Variants in CMIP observed in about 807,000 individuals in gnomAD.
CMIP encodes C-Maf-inducing protein.
CMIP carries 13 observed loss-of-function variants against 97.3 expected under a neutral mutation model. That is an observed-to-expected ratio of 0.13 (90% CI 0.09 to 0.21). The LOEUF (loss-of-function observed/expected upper bound fraction) is 0.21. Among genes scored for constraint, CMIP ranks in the 10% least tolerant of loss-of-function variants. The probability of loss-of-function intolerance (pLI) is 1.00; values close to 1 mark genes in which losing one functional copy is unlikely to be tolerated. For synonymous variants in CMIP, 538 were observed against 436.3 expected (o/e 1.23, Z -2.91); for missense variants, 847 against 1,024.9 (o/e 0.83, Z 2.37).
intron 2 of CMIP, among the ~76,000 whole-genome samples, chr16:81,615,081 T>C (rs111209970): frequency 4.0e-5 from 6 of 150,236 alleles, no homozygotes; most frequent in African/African-American, 1.5e-4. Flanking sequence ...CTGTGTGGTA[T>C]GTCTTTGTGT....
chr16:81,632,667 GC>G (rs2092179374), intron 3 of CMIP, among the ~76,000 whole-genome samples: 1 of 152,334 alleles, frequency 6.6e-6, no homozygotes, highest in Non-Finnish European at 1.5e-5. Flanking sequence ...AGGCCTCGCA[GC>G]CCCCCAACAC....
intron 1 of CMIP, among the ~76,000 whole-genome samples, chr16:81,496,808 G>A (rs1486354470): frequency 6.6e-6 from 1 of 152,252 alleles, no homozygotes; most frequent in Non-Finnish European, 1.5e-5. Flanking sequence ...ATTAAAATGA[G>A]CAGAGTCTTA....
chr16:81,581,427 G>T (rs2091294903), intron 1 of CMIP, among the ~76,000 whole-genome samples: 1 of 152,130 alleles, frequency 6.6e-6, no homozygotes, highest in African/African-American at 2.4e-5. Flanking sequence ...TGTACAACAG[G>T]TTACTCTACT....
chr16:81,572,910 C>G (rs2091120105), intron 1 of CMIP, among the ~76,000 whole-genome samples: 2 of 152,252 alleles, frequency 1.3e-5, no homozygotes, highest in African/African-American at 4.8e-5. Flanking sequence ...AGACACACCT[C>G]CATGATTGGT....
At chr16:81,506,928 G>A (rs1238172453) in intron 1 of CMIP, among the ~76,000 whole-genome samples, 1 of 149,114 alleles carries the variant, frequency 6.7e-6, no homozygotes, top group Admixed American at 6.7e-5. Flanking sequence ...AAAAGAAATG[G>A]CTCAAAGCCT....
chr16:81,503,770 A>G (rs1353017740), intron 1 of CMIP, among the ~76,000 whole-genome samples: 2 of 152,128 alleles, frequency 1.3e-5, no homozygotes, highest in Non-Finnish European at 2.9e-5. Flanking sequence ...CTGAATCTCA[A>G]CCCACTGCCT....
intron 1 of CMIP, among the ~76,000 whole-genome samples, chr16:81,483,816 C>G (rs899839786): frequency 6.6e-6 from 1 of 152,198 alleles, no homozygotes; most frequent in Non-Finnish European, 1.5e-5. Flanking sequence ...TCTAGAATTT[C>G]GCAACCCGTC....
intron 1 of CMIP, among the ~76,000 whole-genome samples, chr16:81,539,687 C>T (rs78194263): frequency 2.2e-4 from 33 of 152,288 alleles, no homozygotes; most frequent in Non-Finnish European, 4.1e-4. Context: ...CCACCTGAGG[C>T]CCGCAGTTCC....
In CMIP at chr16:81,699,746, A is replaced by T; in HGVS notation, c.1700A>T (p.Asn567Ile). The T allele has an allele frequency of 6.2e-7, 1 of 1,613,758 alleles. No individual in the cohort carries two copies. Among genetic ancestry groups the T allele is most frequent in the Non-Finnish European group, 8.5e-7 (1 of 1,179,800 alleles). The change falls in exon 15 of 21, where the codon AAC becomes ATC. Residue 567 changes from asparagine (N) to isoleucine (I), a missense_variant. Asn to Ile is a moderately radical substitution (Grantham distance 149). This residue lies in a region of CMIP where 266 missense variants were observed against 384.2 expected (regional missense o/e 0.69). Coordinates refer to ENST00000537098, the MANE Select transcript of CMIP (RefSeq NM_198390.3). ...AAATTCCTGCTCTCCCTGGCAGAAA[A>T]CAAGCTGGGTCCCTGCATGCTCCTG... The part of the protein sequence containing the change: ...TKKFLLSLAE[N>I]KLGPCMLLAL...
chr16:81,658,447 A>G (rs1431011491), intron 5 of CMIP, among the ~76,000 whole-genome samples: 1 of 152,260 alleles, frequency 6.6e-6, no homozygotes, highest in African/African-American at 2.4e-5. Flanking sequence ...TTGTAGGAAG[A>G]CAAAAGTGAT....
chr16:81,571,449 T>TA (rs2091085898), intron 1 of CMIP, among the ~76,000 whole-genome samples: 1 of 151,820 alleles, frequency 6.6e-6, no homozygotes, highest in African/African-American at 2.4e-5. Context: ...GCCTGGATAA[T>TA]AGAGTGAGAC....
intron 1 of CMIP, among the ~76,000 whole-genome samples, chr16:81,548,690 A>G (rs1017442526): frequency 6.8e-6 from 1 of 147,936 alleles, no homozygotes; most frequent in Non-Finnish European, 1.5e-5. Flanking sequence ...AAAAAAAAAG[A>G]AAAAAAAAAG....
intron 1 of CMIP, among the ~76,000 whole-genome samples, chr16:81,590,967 G>T (rs1459314533): frequency 1.3e-5 from 2 of 152,158 alleles, no homozygotes; most frequent in Non-Finnish European, 2.9e-5. Flanking sequence ...ATGATCATTT[G>T]TGTATTGTCT....
chr16:81,502,522 C>T (rs1464461168), intron 1 of CMIP, among the ~76,000 whole-genome samples: 2 of 152,144 alleles, frequency 1.3e-5, no homozygotes, highest in Admixed American at 6.5e-5. Context: ...TTAACTCATT[C>T]GCTCAGCGAT....
intron 10 of CMIP, chr16:81,691,570 T>G: frequency 1.7e-6 from 1 of 605,620 alleles, no homozygotes; most frequent in Non-Finnish European, 3.0e-6. Context: ...TGAGGAAGTC[T>G]CTGCACAGGC....
chr16:81,651,362 A>G, intron 3 of CMIP: 1 of 943,966 alleles, frequency 1.1e-6, no homozygotes, highest in Non-Finnish European at 1.3e-6. Context: ...ACTCTGCCTC[A>G]AATCCAGGGA....
At chr16:81,626,862 T>C (rs2092078167) in intron 3 of CMIP, among the ~76,000 whole-genome samples, 1 of 139,656 alleles carries the variant, frequency 7.2e-6, no homozygotes, top group African/African-American at 2.7e-5. Context: ...GTGTGTGTCC[T>C]GTGGGGTAAC....
chr16:81,559,700 A>C lies in CMIP; in HGVS notation c.301-47867A>C, dbSNP rs74338378. 9.3e-3 allele frequency among the ~76,000 whole-genome samples: 1,417 copies of C among 152,348 alleles called. 17 individuals carry two copies. The highest frequency in any genetic ancestry group is 0.054 in the South Asian group (263 of 4,832). On this transcript the variant is annotated intron_variant, in intron 1 of 20. Transcript: ENST00000537098. ...AAAGCACAGCACCTACAGTATGCAC[A>C]GTGCATAAGACTTGATGGTAAACAA...
chr16:81,581,125 A>G (rs1330304070), intron 1 of CMIP, among the ~76,000 whole-genome samples: 2 of 152,176 alleles, frequency 1.3e-5, no homozygotes, highest in Non-Finnish European at 2.9e-5. Context: ...TTGATGGCAG[A>G]ATGATACTCC....
Sources: allele counts gnomAD v4.1 joint callset (sites outside exome capture counted in the v4.1 genomes callset), GRCh38; gene constraint gnomAD v4.1.1; regional missense constraint gnomAD v4.1.1; transcripts MANE v1.5; gene names NCBI Gene and HGNC (gene_info 2026-07-23, HGNC 2026-07-21).